Variants in DSCAM observed in about 807,000 individuals in gnomAD.
DSCAM encodes DS cell adhesion molecule.
Under a neutral mutation model 217.7 loss-of-function variants are expected in DSCAM, and 47 were observed. The ratio of observed to expected loss-of-function variants is 0.22; its 90% CI spans 0.17 to 0.28. The LOEUF is 0.28. Ranked by LOEUF, DSCAM falls within the 10% of genes least tolerant of loss-of-function variation. DSCAM has a pLI of 1.00. For synonymous variants in DSCAM, 1,056 were observed against 1,015.3 expected (o/e 1.04, Z -0.76); for missense variants, 2,080 against 2,618.3 (o/e 0.79, Z 4.49).
chr21:40,546,257 C>T (rs1311529930), intron 3 of DSCAM, among the ~76,000 whole-genome samples: 1 of 152,164 alleles, frequency 6.6e-6, no homozygotes, highest in Non-Finnish European at 1.5e-5. Context: ...GCTGGGGGTC[C>T]ACACACTCAG....
intron 3 of DSCAM, among the ~76,000 whole-genome samples, chr21:40,499,921 C>T (rs2146033879): frequency 6.6e-6 from 1 of 152,268 alleles, no homozygotes; most frequent in African/African-American, 2.4e-5. Flanking sequence ...GCTGGGACTA[C>T]AGACACCCAC....
At chr21:40,075,300 T>A (rs1468587488) in intron 26 of DSCAM, 87 bp from the exon 27 acceptor site, 3 of 1,428,684 alleles carry the variant, frequency 2.1e-6, no homozygotes, top group Non-Finnish European at 2.9e-6. Context: ...AAAATCGCGC[T>A]GTGTGATCCA....
chr21:40,467,578 G>A (rs775142718), intron 3 of DSCAM, among the ~76,000 whole-genome samples: 4 of 152,108 alleles, frequency 2.6e-5, no homozygotes, highest in Non-Finnish European at 4.4e-5. Flanking sequence ...AAGTGTAAGA[G>A]AAGAATCAAC....
At chr21:40,736,772 T>C (rs1247512978) in intron 1 of DSCAM, among the ~76,000 whole-genome samples, 1 of 152,214 alleles carries the variant, frequency 6.6e-6, no homozygotes, top group Non-Finnish European at 1.5e-5. Flanking sequence ...TTCTTTCTTC[T>C]ATAACATATA....
At chr21:40,165,276 G>A (rs1188754425) in intron 16 of DSCAM, among the ~76,000 whole-genome samples, 4 of 152,244 alleles carry the variant, frequency 2.6e-5, no homozygotes, top group South Asian at 4.1e-4. Flanking sequence ...TTAAGATTTC[G>A]TGTAATAGTG....
At chr21:40,125,436 G>C (rs1315660625) in intron 19 of DSCAM, among the ~76,000 whole-genome samples, 1 of 152,192 alleles carries the variant, frequency 6.6e-6, no homozygotes, top group Non-Finnish European at 1.5e-5. Context: ...TGGAGACATT[G>C]AAATTCAAAC....
intron 27 of DSCAM, among the ~76,000 whole-genome samples, chr21:40,074,440 T>C (rs2089335942): frequency 6.6e-6 from 1 of 152,216 alleles, no homozygotes; most frequent in Non-Finnish European, 1.5e-5. Context: ...GAGAACAGCC[T>C]CATCACAGAA....
At chr21:40,039,846 AAG>A (rs1463765170) in intron 32 of DSCAM, among the ~76,000 whole-genome samples, 4 of 152,162 alleles carry the variant, frequency 2.6e-5, no homozygotes, top group Non-Finnish European at 5.9e-5. Flanking sequence ...AAGAGAAAAA[AAG>A]GACCATCAGA....
intron 10 of DSCAM, among the ~76,000 whole-genome samples, chr21:40,287,626 A>C (rs2073844142): frequency 6.6e-6 from 1 of 152,088 alleles, no homozygotes; most frequent in African/African-American, 2.4e-5. Flanking sequence ...GCCTAGTTTT[A>C]TTTCTATGAA....
intron 15 of DSCAM, among the ~76,000 whole-genome samples, chr21:40,171,608 AC>A (rs1749766670): frequency 6.6e-6 from 1 of 152,026 alleles, no homozygotes; most frequent in Non-Finnish European, 1.5e-5. Context: ...GTCCAGACAA[AC>A]CAAAATAATT....
chr21:40,282,826 C>T (rs1292654364), intron 10 of DSCAM, among the ~76,000 whole-genome samples: 1 of 152,052 alleles, frequency 6.6e-6, no homozygotes, highest in Admixed American at 6.6e-5. Context: ...AAATTAACTA[C>T]AATGCTAAGT....
intron 11 of DSCAM, among the ~76,000 whole-genome samples, chr21:40,247,513 C>A (rs2073242772): frequency 6.6e-6 from 1 of 152,190 alleles, no homozygotes; most frequent in African/African-American, 2.4e-5. Context: ...CACAATCCAG[C>A]AGGGCAGTCA....
rs553387653 is a variant in DSCAM at position 40,116,119 on chromosome 21, T to C, written c.3696+8076A>G. Among the ~76,000 whole-genome samples, 9 of 151,884 alleles carry C rather than the reference T, an allele frequency of 5.9e-5. No individual in the cohort carries two copies. The South Asian group carries it at 6.2e-4, about 11-fold the overall frequency. On this transcript the variant is annotated intron_variant, in intron 20 of 32. Coordinates refer to ENST00000400454, the MANE Select transcript of DSCAM (RefSeq NM_001389.5). ...TAAATTATGAGAACATACACACACATAGAGGGGAACAACACACAACACAAC... is the reference window on the plus strand; with the variant it reads ...TAAATTATGAGAACATACACACACACAGAGGGGAACAACACACAACACAAC...
At chr21:40,022,035 A>G (rs2088282047) in intron 32 of DSCAM, among the ~76,000 whole-genome samples, 1 of 152,264 alleles carries the variant, frequency 6.6e-6, no homozygotes, top group Non-Finnish European at 1.5e-5. Context: ...AAGGATGGCA[A>G]AATCAATACT....
intron 3 of DSCAM, among the ~76,000 whole-genome samples, chr21:40,636,289 CG>C (rs1405709319): frequency 2.0e-5 from 3 of 151,866 alleles, no homozygotes; most frequent in Non-Finnish European, 4.4e-5. Context: ...CTGTGGTTCT[CG>C]GGGGCTTAGA....
In DSCAM at chr21:40,175,805, A is replaced by ACACG. The variant is rs1555886102; in HGVS notation, c.2947+3118_2947+3121dup. On this transcript the variant is annotated intron_variant, in intron 15 of 32. Coordinates refer to ENST00000400454, the MANE Select transcript of DSCAM (RefSeq NM_001389.5). ...TACACACACACACACACACACACAC[A>ACACG]CACGCACACACACACACACGCACAC... Among the ~76,000 whole-genome samples the ACACG allele has an allele frequency of 4.2e-3, 475 of 112,622 alleles. 6 individuals are homozygous for ACACG. The highest frequency in any genetic ancestry group is 0.013 in the African/African-American group (407 of 30,228). The allele number at this position is 112,622 out of a possible 152,430, so 73.9% of individuals were successfully genotyped here. A position where few individuals can be genotyped will look rare whatever the true frequency, so the allele number is the denominator to read the frequency against.
At position 40,408,670 on chromosome 21, in the gene DSCAM, T is replaced by C. The variant is rs533737851; in HGVS notation, c.509-39425A>G. ...ATATTCAGTAGGCTTTGTTTTTGTC[T>C]GTTGATGTGCCCTCCATTTTCCTTC... On this transcript the variant is annotated intron_variant, in intron 3 of 32. Coordinates refer to ENST00000400454, the MANE Select transcript of DSCAM (RefSeq NM_001389.5). Among the ~76,000 whole-genome samples the C allele has an allele frequency of 2.5e-3, 380 of 152,322 alleles. 1 individual carries two copies. The highest frequency in any genetic ancestry group is 5.8e-3 in the African/African-American group (242 of 41,574).
intron 32 of DSCAM, among the ~76,000 whole-genome samples, chr21:40,021,621 G>T (rs1207525066): frequency 3.3e-5 from 5 of 152,172 alleles, no homozygotes; most frequent in Admixed American, 3.3e-4. Flanking sequence ...GCAGCATTTT[G>T]CTTTCTTATT....
intron 1 of DSCAM, among the ~76,000 whole-genome samples, chr21:40,789,553 A>ATT (rs3071032): frequency 9.6e-4 from 123 of 128,730 alleles, no homozygotes; most frequent in East Asian, 3.3e-3. Context: ...GAGTAGATTG[A>ATT]TTTTTTTTTT....
Sources: gnomAD v4.1 joint callset for allele counts (sites outside exome capture counted in the v4.1 genomes callset) on GRCh38, gnomAD v4.1.1 for gene constraint, MANE v1.5 for transcripts, NCBI Gene and HGNC (gene_info 2026-07-23, HGNC 2026-07-21) for gene names.